HS2ST1: variants seen among roughly 807,000 people sequenced by gnomAD.
The protein encoded by HS2ST1 is 2-O-sulfotransferase.
A neutral mutation model predicts 42.9 loss-of-function variants in HS2ST1; 18 were observed. The ratio of observed to expected loss-of-function variants is 0.42; its 90% CI spans 0.29 to 0.62. The LOEUF (loss-of-function observed/expected upper bound fraction) is 0.62. Ranked by LOEUF, HS2ST1 falls within the 20% of genes least tolerant of loss-of-function variation. The probability of loss-of-function intolerance (pLI) is 0.21; values close to 1 mark genes in which losing one functional copy is unlikely to be tolerated. For synonymous variants in HS2ST1, 146 were observed against 152.9 expected, an observed-to-expected ratio of 0.95 and a Z score of 0.33; for missense variants, 334 against 433.8, an observed-to-expected ratio of 0.77 and a Z score of 2.04.
intron 1 of HS2ST1, among the ~76,000 whole-genome samples, chr1:86,954,090 G>A (rs950788776): frequency 1.1e-4 from 14 of 131,272 alleles, no homozygotes; most frequent in Admixed American, 2.5e-4. Context: ...GGTGGCTCAC[G>A]CCTCTAATCC....
chr1:87,008,285 G>T (rs1649498125), intron 1 of HS2ST1, among the ~76,000 whole-genome samples: 1 of 152,112 alleles, frequency 6.6e-6, no homozygotes, highest in African/African-American at 2.4e-5. Context: ...ACAGAAATTA[G>T]TCTCATTACT....
intron 1 of HS2ST1, among the ~76,000 whole-genome samples, chr1:86,942,075 A>G (rs1261257741): frequency 6.6e-6 from 1 of 152,214 alleles, no homozygotes; most frequent in South Asian, 2.1e-4. Context: ...TAATTGTTTA[A>G]AGACTTTCCT....
At chr1:87,086,243 A>G (rs1271477755) in intron 3 of HS2ST1, among the ~76,000 whole-genome samples, 1 of 152,180 alleles carries the variant, frequency 6.6e-6, no homozygotes, top group East Asian at 1.9e-4. Flanking sequence ...GTATATAAAA[A>G]TCGCATACTC....
At chr1:86,951,689 CAGT>C (rs1335211283) in intron 1 of HS2ST1, among the ~76,000 whole-genome samples, 7 of 152,186 alleles carry the variant, frequency 4.6e-5, no homozygotes, top group Admixed American at 2.0e-4. Flanking sequence ...AATAAGACAA[CAGT>C]GAGGTTTAGA....
rs1301687604 is a variant in HS2ST1 at position 86,957,783 on chromosome 1, G to GT, written c.124+42630dup. Among the ~76,000 whole-genome samples, 5 of 148,704 alleles carry GT rather than the reference G, an allele frequency of 3.4e-5. No individual in the cohort carries two copies. The East Asian group carries it at 9.8e-4, about 29-fold the overall frequency. The stretch of plus-strand genomic sequence containing the variant: ...AATCATTACCTGGAAGATATTAGAG[G>GT]TTTTTTTAGATTTTTTTTTTTTTTT... On this transcript the variant is annotated intron_variant, in intron 1 of 6. Coordinates refer to ENST00000370550, the MANE Select transcript of HS2ST1 (RefSeq NM_012262.4).
chr1:87,053,003 G>A (rs1171954365), intron 1 of HS2ST1, among the ~76,000 whole-genome samples: 1 of 152,154 alleles, frequency 6.6e-6, no homozygotes, highest in Non-Finnish European at 1.5e-5. Context: ...AATGCTCCAA[G>A]TAATTCTGAT....
chr1:86,998,641 A>G (rs571911520), intron 1 of HS2ST1, among the ~76,000 whole-genome samples: 1 of 152,300 alleles, frequency 6.6e-6, no homozygotes, highest in South Asian at 2.1e-4. Context: ...TTCTGTTTCC[A>G]TACACACACG....
chr1:86,925,020 C>T (rs1347233979), intron 1 of HS2ST1, among the ~76,000 whole-genome samples: 1 of 152,176 alleles, frequency 6.6e-6, no homozygotes, highest in Non-Finnish European at 1.5e-5. Context: ...CCTTTAATGG[C>T]ACCCAAGTCA....
intron 1 of HS2ST1, among the ~76,000 whole-genome samples, chr1:86,968,908 G>A (rs1316415379): frequency 2.6e-5 from 4 of 152,166 alleles, no homozygotes; most frequent in Admixed American, 6.5e-5. Context: ...GGAGACATAA[G>A]ATGAATCATT....
At chr1:86,935,744 G>T (rs983360992) in intron 1 of HS2ST1, among the ~76,000 whole-genome samples, 2 of 152,050 alleles carry the variant, frequency 1.3e-5, no homozygotes, top group Non-Finnish European at 2.9e-5. Flanking sequence ...AATTACAGGC[G>T]TGAGCCACCA....
At position 87,092,516 on chromosome 1, in the gene HS2ST1, TTTG is replaced by T. The variant is rs1651970657; in HGVS notation, c.450-10_450-8del. The T allele has an allele frequency of 6.6e-7, 1 of 1,523,312 alleles. No individual in the cohort carries two copies. The highest frequency in any genetic ancestry group is 1.4e-5 in the African/African-American group (1 of 69,606). 94.4% of individuals were successfully genotyped at this position (1,523,312 alleles called of 1,614,324 possible). ...AAAATGTTGATTTCACCTTTGAAAT[TTTG>T]TTGTATTTCAGATTTGGTGTGAAGA... On this transcript the variant is annotated splice_polypyrimidine_tract_variant and intron_variant, in intron 3 of 6. Coordinates refer to ENST00000370550, the MANE Select transcript of HS2ST1 (RefSeq NM_012262.4).
At chr1:86,937,393 A>G (rs970528678) in intron 1 of HS2ST1, among the ~76,000 whole-genome samples, 3 of 152,206 alleles carry the variant, frequency 2.0e-5, no homozygotes, top group Non-Finnish European at 1.5e-5. Flanking sequence ...AATATGAAGG[A>G]CAATGTATAG....
intron 1 of HS2ST1, among the ~76,000 whole-genome samples, chr1:86,955,511 A>G (rs1206805916): frequency 6.6e-6 from 1 of 152,162 alleles, no homozygotes; most frequent in Non-Finnish European, 1.5e-5. Flanking sequence ...TCTTGCCAAA[A>G]AGGTTTTTAC....
intron 1 of HS2ST1, among the ~76,000 whole-genome samples, chr1:87,063,152 G>T (rs887795155): frequency 1.3e-5 from 2 of 152,020 alleles, no homozygotes; most frequent in Non-Finnish European, 2.9e-5. Flanking sequence ...TAGATCTTTT[G>T]TTCTAGACCA....
intron 1 of HS2ST1, among the ~76,000 whole-genome samples, chr1:86,988,691 A>C (rs1159952432): frequency 2.6e-5 from 4 of 152,364 alleles, no homozygotes; most frequent in Non-Finnish European, 2.9e-5. Flanking sequence ...CGCTGTGATC[A>C]TTGGCCTAAT....
intron 1 of HS2ST1, chr1:86,956,377 G>C (rs2753275): frequency 6.6e-6 from 1 of 152,044 alleles, no homozygotes; most frequent in Non-Finnish European, 1.5e-5. Context: ...GTTTGATTCA[G>C]TGCCTGAAAA....
intron 1 of HS2ST1, chr1:86,958,464 G>A (rs1050312314): frequency 3.3e-5 from 5 of 152,392 alleles, no homozygotes; most frequent in Admixed American, 2.6e-4. Flanking sequence ...GGAGGAGTTG[G>A]TCTTGCTGTC....
Position 87,105,462 on chromosome 1 carries a change from T to A in HS2ST1, c.*766T>A, listed in dbSNP as rs1239089208. On this transcript the variant is annotated 3_prime_UTR_variant, in exon 7 of 7. Coordinates refer to ENST00000370550, the MANE Select transcript of HS2ST1 (RefSeq NM_012262.4). ...AATATCAAAAAAGTAAGTTTAGTAT[T>A]TGTTTCTCCATGGGTTATTTGTAAA... 6.6e-6 allele frequency: 1 copy of A among 152,296 alleles called. No homozygotes were observed. The highest frequency in any genetic ancestry group is 1.5e-5 in the Non-Finnish European group (1 of 67,950). The allele number at this position is 152,296 out of a possible 1,614,324, so 9.4% of individuals were successfully genotyped here.
In HS2ST1 at chr1:87,104,765, A is replaced by G; in HGVS notation, c.*69A>G. 1.1e-6 allele frequency: 1 copy of G among 944,528 alleles called. No individual in the cohort carries two copies. The highest frequency in any genetic ancestry group is 1.7e-6 in the Non-Finnish European group (1 of 595,798). 58.5% of individuals were successfully genotyped at this position (944,528 alleles called of 1,614,324 possible). ...TGTCTTCACCTTTGTTCTCAGCTCC[A>G]CAGTCTGGATTGCTGACAGTAGGTG... On this transcript the variant is annotated 3_prime_UTR_variant, in exon 7 of 7. Transcript: ENST00000370550.
Sources: allele counts gnomAD v4.1 joint callset (sites outside exome capture counted in the v4.1 genomes callset), GRCh38; gene constraint gnomAD v4.1.1; transcripts MANE v1.5; gene names NCBI Gene and HGNC (gene_info 2026-07-23, HGNC 2026-07-21).